Variants in IRAK2 observed in about 807,000 individuals in gnomAD.
The protein encoded by IRAK2 is interleukin-1 receptor-associated kinase-like 2.
A neutral mutation model predicts 72.0 loss-of-function variants in IRAK2; 57 were observed. That is an observed-to-expected ratio of 0.79 (90% CI 0.64 to 0.99). The LOEUF is 0.99. Among genes scored for constraint, IRAK2 ranks in the 50% least tolerant of loss-of-function variants. The probability of loss-of-function intolerance (pLI) is 0.00; values close to 1 mark genes in which losing one functional copy is unlikely to be tolerated. For synonymous variants in IRAK2, 293 were observed against 312.7 expected (o/e 0.94, Z 0.67); for missense variants, 790 against 794.4 (o/e 0.99, Z 0.07).
At chr3:10,238,649 A>G in intron 11 of IRAK2, 99 bp from the exon 12 acceptor site, 1 of 1,149,462 alleles carries the variant, frequency 8.7e-7, no homozygotes, top group Non-Finnish European at 1.2e-6. Flanking sequence ...TAGGTTCTTC[A>G]GTCTGCTCCC....
At chr3:10,236,767 T>A (rs1697966771) in intron 11 of IRAK2, among the ~76,000 whole-genome samples, 1 of 152,244 alleles carries the variant, frequency 6.6e-6, no homozygotes, top group East Asian at 1.9e-4. Context: ...TCCATTATTT[T>A]GTTCAGTGTG....
At chr3:10,195,318 A>ATTACCT (rs1270761116) in intron 2 of IRAK2, among the ~76,000 whole-genome samples, 6 of 152,184 alleles carry the variant, frequency 3.9e-5, no homozygotes, top group African/African-American at 1.4e-4. Context: ...GCACTTTGGG[A>ATTACCT]GGACAAGGTG....
intron 3 of IRAK2, among the ~76,000 whole-genome samples, chr3:10,207,463 G>A (rs1448149283): frequency 1.3e-5 from 2 of 152,098 alleles, no homozygotes; most frequent in East Asian, 3.9e-4. Context: ...GAAGCCTCTG[G>A]CCTTTGGCCA....
At chr3:10,223,855 T>C (rs1002312561) in intron 9 of IRAK2, among the ~76,000 whole-genome samples, 2 of 152,210 alleles carry the variant, frequency 1.3e-5, no homozygotes, top group Admixed American at 6.5e-5. Context: ...TTCCTCTCTC[T>C]GACCACAGTC....
At chr3:10,186,734 G>A (rs1037330336) in intron 2 of IRAK2, among the ~76,000 whole-genome samples, 3 of 145,270 alleles carry the variant, frequency 2.1e-5, no homozygotes, top group Non-Finnish European at 3.0e-5. Flanking sequence ...GGGGATTCTT[G>A]TTGACTTGGA....
chr3:10,170,018 A>C (rs958104252), intron 1 of IRAK2, among the ~76,000 whole-genome samples: 1 of 152,142 alleles, frequency 6.6e-6, no homozygotes, highest in African/African-American at 2.4e-5. Context: ...TTCCCACAAC[A>C]CTACAAAGTT....
chr3:10,172,291 TG>T (rs1696805851), intron 1 of IRAK2, among the ~76,000 whole-genome samples: 1 of 151,286 alleles, frequency 6.6e-6, no homozygotes, highest in African/African-American at 2.4e-5. Flanking sequence ...GGTGTGAACC[TG>T]GGAGGTGGAG....
intron 6 of IRAK2, among the ~76,000 whole-genome samples, chr3:10,215,751 T>TACACACACACACACACACACACACAC (rs145978380): frequency 6.7e-6 from 1 of 150,026 alleles, no homozygotes; most frequent in Non-Finnish European, 1.5e-5. Flanking sequence ...CTCACATGTG[T>TACACACACACACACACACACACACAC]ACACACACAC....
chr3:10,167,515 T>C (rs181860579), intron 1 of IRAK2, among the ~76,000 whole-genome samples: 264 of 152,004 alleles, frequency 1.7e-3, no homozygotes, highest in East Asian at 3.5e-3. Context: ...CCTGGGTTCA[T>C]GCCATTCTCC....
Position 10,222,914 on chromosome 3 carries a change from A to G in IRAK2, c.1209+83A>G. 4 of 1,229,884 alleles carry G rather than the reference A, an allele frequency of 3.3e-6. No individual in the cohort carries two copies. In the Admixed American group the frequency reaches 5.5e-5, roughly 17 times the overall value. The allele number at this position is 1,229,884 out of a possible 1,614,324, so 76.2% of individuals were successfully genotyped here. On this transcript the variant is annotated intron_variant, in intron 9 of 12. Transcript: ENST00000256458. Reference sequence around the variant, plus strand: ...CTCCTTTGTAATCACAGGATACGGTAGAGGCACACAGACAGGTTCCATCAA... The same window carrying G: ...CTCCTTTGTAATCACAGGATACGGTGGAGGCACACAGACAGGTTCCATCAA...
chr3:10,185,425 T>C (rs776805), intron 2 of IRAK2, among the ~76,000 whole-genome samples: 65,328 of 149,104 alleles, frequency 0.44, 15,573 homozygotes, highest in African/African-American at 0.57. Flanking sequence ...GGCGTGGTGG[T>C]GCATGCCTGT....
chr3:10,243,444 C>T lies in IRAK2; in HGVS notation c.*1216C>T, dbSNP rs1698092169. 1.3e-5 allele frequency: 2 copies of T among 152,634 alleles called. No individual in the cohort carries two copies. Among genetic ancestry groups the T allele is most frequent in the South Asian group, 4.1e-4 (2 of 4,834 alleles). The allele number at this position is 152,634 out of a possible 1,614,324, so 9.5% of individuals were successfully genotyped here. ...CATTTAATTTTTGGGACCTCAGTTTCTTTGTAAGTAAAATAACACCTGCTT... is the reference window on the plus strand; with the variant it reads ...CATTTAATTTTTGGGACCTCAGTTTTTTTGTAAGTAAAATAACACCTGCTT... On this transcript the variant is annotated 3_prime_UTR_variant, in exon 13 of 13. Coordinates refer to ENST00000256458, the MANE Select transcript of IRAK2 (RefSeq NM_001570.4).
intron 2 of IRAK2, among the ~76,000 whole-genome samples, chr3:10,195,710 G>A (rs938618790): frequency 6.6e-6 from 1 of 152,180 alleles, no homozygotes; most frequent in African/African-American, 2.4e-5. Context: ...CTGGGTGTAG[G>A]TGAGACCTTT....
At chr3:10,223,064 A>G (rs1697721370) in intron 9 of IRAK2, among the ~76,000 whole-genome samples, 2 of 152,208 alleles carry the variant, frequency 1.3e-5, no homozygotes, top group African/African-American at 4.8e-5. Flanking sequence ...CACAAAGAAT[A>G]TGTGATAGAG....
At chr3:10,172,902 A>T (rs958258778) in intron 1 of IRAK2, among the ~76,000 whole-genome samples, 2 of 150,706 alleles carry the variant, frequency 1.3e-5, no homozygotes, top group Non-Finnish European at 3.0e-5. Context: ...GCTGGTCTCA[A>T]ACTCCTGACC....
chr3:10,179,359 C>A (rs1419360729), intron 2 of IRAK2, among the ~76,000 whole-genome samples: 2 of 151,606 alleles, frequency 1.3e-5, no homozygotes, highest in Non-Finnish European at 2.9e-5. Context: ...ACAACCTCCA[C>A]CTCCCATGTT....
intron 6 of IRAK2, among the ~76,000 whole-genome samples, chr3:10,214,389 T>C (rs1259205842): frequency 2.9e-5 from 4 of 137,366 alleles, no homozygotes; most frequent in Admixed American, 7.8e-5. Context: ...GCTCATTTTT[T>C]GCTTTTTTTT....
At chr3:10,202,679 A>C (rs1575971208) in intron 3 of IRAK2, among the ~76,000 whole-genome samples, 1 of 137,968 alleles carries the variant, frequency 7.2e-6, no homozygotes, top group South Asian at 2.3e-4. Context: ...TTTGCTGTTT[A>C]CTTTCTTTCC....
At chr3:10,229,528 A>G (rs1697828291) in intron 10 of IRAK2, among the ~76,000 whole-genome samples, 1 of 152,186 alleles carries the variant, frequency 6.6e-6, no homozygotes, top group Non-Finnish European at 1.5e-5. Context: ...GCAATTACTC[A>G]TCTAATTTCT....
Sources: gnomAD v4.1 joint callset for allele counts (sites outside exome capture counted in the v4.1 genomes callset) on GRCh38, gnomAD v4.1.1 for gene constraint, MANE v1.5 for transcripts, NCBI Gene and HGNC (gene_info 2026-07-23, HGNC 2026-07-21) for gene names.